RAB11FIP3: variants seen among roughly 807,000 people sequenced by gnomAD.
The protein encoded by RAB11FIP3 is RAB11 family interacting protein 3, also known as rab11 family-interacting protein 3.
Under a neutral mutation model 77.8 loss-of-function variants are expected in RAB11FIP3, and 17 were observed. The ratio of observed to expected loss-of-function variants is 0.22; its 90% confidence interval spans 0.15 to 0.33. RAB11FIP3 has a LOEUF of 0.33. RAB11FIP3 is among the 10% of genes least tolerant of loss of function. RAB11FIP3 has a pLI of 1.00. For synonymous variants in RAB11FIP3, 437 were observed against 448.2 expected (o/e 0.98, Z 0.31); for missense variants, 1,005 against 1,011.2 (o/e 0.99, Z 0.08).
chr16:485,720 G>T (rs926081764), intron 4 of RAB11FIP3, among the ~76,000 whole-genome samples: 1 of 152,106 alleles, frequency 6.6e-6, no homozygotes, highest in African/African-American at 2.4e-5. Context: ...CAGAACAGAT[G>T]TTTTTAATTT....
chr16:426,972 G>C lies in RAB11FIP3; in HGVS notation c.714+252G>C, dbSNP rs953671459. ...TTTCTTCCCCTCCCCCCAGCGCCTC[G>C]TCAGCTGGATCTTACCGAGGTCAGC... On this transcript the variant is annotated intron_variant, in intron 1 of 13. Coordinates refer to ENST00000262305, the MANE Select transcript of RAB11FIP3 (RefSeq NM_014700.4). This position sits in a 1 kb window ranked among gnomAD's most constrained non-coding sequence, Gnocchi z 5.0. Among the ~76,000 whole-genome samples, 3 of 151,788 alleles carry C rather than the reference G, an allele frequency of 2.0e-5. No individual in the cohort carries two copies. Among genetic ancestry groups the C allele is most frequent in the Admixed American group, 2.0e-4 (3 of 15,244 alleles).
intron 5 of RAB11FIP3, among the ~76,000 whole-genome samples, chr16:490,055 C>T (rs1235646652): frequency 6.6e-6 from 1 of 152,214 alleles, no homozygotes; most frequent in Non-Finnish European, 1.5e-5. Context: ...GGTCTCTGTG[C>T]TTGGTAATCA....
intron 1 of RAB11FIP3, chr16:439,517 G>T (rs1356610405): frequency 6.6e-6 from 1 of 152,158 alleles, no homozygotes; most frequent in Non-Finnish European, 1.5e-5. Context: ...CACTAAAACC[G>T]GCGTCCTAGC....
At chr16:510,501 T>G in intron 8 of RAB11FIP3, 159 bp from the exon 9 acceptor site, 2 of 831,500 alleles carry the variant, frequency 2.4e-6, no homozygotes, top group Non-Finnish European at 3.6e-6. Flanking sequence ...ATTCGCTGCT[T>G]CAGAACTGCC....
chr16:478,008 T>G (rs912417711), intron 3 of RAB11FIP3, among the ~76,000 whole-genome samples: 2 of 152,004 alleles, frequency 1.3e-5, no homozygotes, highest in Non-Finnish European at 2.9e-5. Flanking sequence ...GGTGGTTGAG[T>G]CACACGTCTG....
chr16:442,014 A>G (rs1401756069), intron 1 of RAB11FIP3, among the ~76,000 whole-genome samples: 1 of 151,780 alleles, frequency 6.6e-6, no homozygotes. Flanking sequence ...AATTTTTTGT[A>G]TTTTTAGTAG....
intron 1 of RAB11FIP3, among the ~76,000 whole-genome samples, chr16:428,234 G>C (rs866688518): frequency 1.7e-4 from 26 of 152,180 alleles, no homozygotes; most frequent in African/African-American, 5.6e-4. Context: ...CTTAGCTCCG[G>C]TTGGGATATT....
chr16:497,205 G>A (rs1244587788), intron 6 of RAB11FIP3: 1 of 1,188,930 alleles, frequency 8.4e-7, no homozygotes, highest in South Asian at 1.3e-5. Flanking sequence ...GCTTCTCAGA[G>A]CCGGGTCTGG....
intron 2 of RAB11FIP3, among the ~76,000 whole-genome samples, chr16:467,872 T>A (rs111164648): frequency 9.5e-5 from 5 of 52,894 alleles, no homozygotes; most frequent in South Asian, 7.9e-4. Context: ...GAGGAGGTGC[T>A]GGGACGTCAG....
chr16:509,135 C>A (rs1378317254), intron 8 of RAB11FIP3, among the ~76,000 whole-genome samples: 2 of 152,238 alleles, frequency 1.3e-5, no homozygotes, highest in African/African-American at 4.8e-5. Context: ...AACTCCTGAT[C>A]TCAGGTGATC....
rs1178322644 is a variant in RAB11FIP3, at chr16:510,669, C to T, written c.1509C>T (p.Ala503=). The T allele has an allele frequency of 2.5e-6, 4 of 1,607,046 alleles. No homozygotes were observed. The highest frequency in any genetic ancestry group is 3.4e-6 in the Non-Finnish European group (4 of 1,177,438). The change falls in exon 9 of 14, where the codon GCC becomes GCT. Residue 503 remains alanine, a synonymous_variant. Transcript: ENST00000262305. ...ENLQLVHRAN[A]LEEQLKEQEL... ...CCCTTTGCCTTTCAAGAGCAAACGC[C>T]CTGGAGGAGCAGCTGAAGGAGCAGG...
chr16:485,271 G>A (rs2056130990), intron 4 of RAB11FIP3, among the ~76,000 whole-genome samples: 1 of 152,144 alleles, frequency 6.6e-6, no homozygotes, highest in Admixed American at 6.6e-5. Context: ...GACTTGGCCT[G>A]CCCCTGGTCT....
intron 2 of RAB11FIP3, among the ~76,000 whole-genome samples, chr16:463,126 G>A (rs2055644461): frequency 6.6e-6 from 1 of 152,058 alleles, no homozygotes; most frequent in Non-Finnish European, 1.5e-5. Context: ...ACTATACACT[G>A]TCCGTCTTAC....
rs745789141 is a variant in RAB11FIP3 at position 505,464 on chromosome 16, G to T, written c.1396-60G>T. 4 of 1,391,824 alleles carry T rather than the reference G, an allele frequency of 2.9e-6. No individual in the cohort carries two copies. Among genetic ancestry groups the T allele is most frequent in the South Asian group, 1.3e-5 (1 of 79,356 alleles). The allele number at this position is 1,391,824 out of a possible 1,614,324, so 86.2% of individuals were successfully genotyped here. On this transcript the variant is annotated intron_variant, in intron 7 of 13. Transcript: ENST00000262305. The surrounding 1 kb of genome is among the most constrained non-coding windows in gnomAD (Gnocchi z 4.0). ...AGGCGGCCTCCCAGGTTGTTCCCTT[G>T]GGGGTGCAGGCCCTTCTGCTTCTGG...
At chr16:498,413 G>T (rs1241547596) in intron 6 of RAB11FIP3, among the ~76,000 whole-genome samples, 1 of 152,042 alleles carries the variant, frequency 6.6e-6, no homozygotes, top group East Asian at 1.9e-4. Flanking sequence ...GGGCTGAAGG[G>T]ATCCTCCCAC....
At chr16:500,886 C>T (rs1466861109) in intron 6 of RAB11FIP3, among the ~76,000 whole-genome samples, 4 of 151,936 alleles carry the variant, frequency 2.6e-5, no homozygotes, top group African/African-American at 9.7e-5. Flanking sequence ...GCTGACAGGT[C>T]GTGGCCTCTC....
Position 520,849 on chromosome 16 carries a change from G to C in RAB11FIP3, c.*10G>C, listed in dbSNP as rs746577088. The C allele has an allele frequency of 6.2e-7, 1 of 1,608,110 alleles. No individual in the cohort carries two copies. The highest frequency in any genetic ancestry group is 1.7e-4 in the Middle Eastern group (1 of 6,054). ...CCTGGAGGTCAAGTAGAGGCAGGAA[G>C]GTCCAGCCTGAGCTGGATTCGGGAC... On this transcript the variant is annotated 3_prime_UTR_variant, in exon 14 of 14. Coordinates refer to ENST00000262305, the MANE Select transcript of RAB11FIP3 (RefSeq NM_014700.4).
chr16:484,905 C>T (rs536508738), intron 4 of RAB11FIP3, among the ~76,000 whole-genome samples: 1 of 152,286 alleles, frequency 6.6e-6, no homozygotes, highest in Non-Finnish European at 1.5e-5. Flanking sequence ...GGTCACCAGC[C>T]TCCGGCATCT....
Position 426,924 on chromosome 16 carries a change from G to A in RAB11FIP3, c.714+204G>A, listed in dbSNP as rs919707473. Among the ~76,000 whole-genome samples, 1 of 152,134 alleles carries A rather than the reference G, an allele frequency of 6.6e-6. No homozygotes were observed. The highest frequency in any genetic ancestry group is 1.5e-5 in the Non-Finnish European group (1 of 68,026). ...GGAGTCCCTCTTCCCTTCTTAAAAG[G>A]AGGTTCTATTCTGGGGAGTCAGTTT... On this transcript the variant is annotated intron_variant, in intron 1 of 13. Coordinates refer to ENST00000262305, the MANE Select transcript of RAB11FIP3 (RefSeq NM_014700.4). This position sits in a 1 kb window ranked among gnomAD's most constrained non-coding sequence, Gnocchi z 5.0.
Sources: gnomAD v4.1 joint callset for allele counts (sites outside exome capture counted in the v4.1 genomes callset) on GRCh38, gnomAD v4.1.1 for gene constraint, Gnocchi (gnomAD v3.1) non-coding constraint, MANE v1.5 for transcripts, NCBI Gene and HGNC (gene_info 2026-07-23, HGNC 2026-07-21) for gene names.